ADTRP: variants seen among roughly 807,000 people sequenced by gnomAD.
The protein encoded by ADTRP is androgen-dependent TFPI-regulating protein.
In ADTRP, 20 loss-of-function variants were observed where a neutral mutation model predicts 27.0. The ratio of observed to expected loss-of-function variants is 0.74; its 90% CI spans 0.52 to 1.08. The LOEUF (loss-of-function observed/expected upper bound fraction) is 1.08. ADTRP is among the 50% of genes least tolerant of loss of function. The pLI is 0.00. For synonymous variants in ADTRP, 101 were observed against 105.2 expected (o/e 0.96, Z 0.25); for missense variants, 251 against 275.0 (o/e 0.91, Z 0.62).
At chr6:11,747,503 G>A (rs1047800528) in intron 3 of ADTRP, among the ~76,000 whole-genome samples, 11 of 152,136 alleles carry the variant, frequency 7.2e-5, no homozygotes, top group Non-Finnish European at 1.3e-4. Flanking sequence ...CTGTTTTTAT[G>A]AGGCTTCTCT....
chr6:11,725,622 G>T (rs988291665), intron 4 of ADTRP, among the ~76,000 whole-genome samples: 1 of 152,122 alleles, frequency 6.6e-6, no homozygotes, highest in East Asian at 1.9e-4. Context: ...AAACTATATG[G>T]TGGTTCTCCC....
intron 1 of ADTRP, among the ~76,000 whole-genome samples, chr6:11,768,804 C>A (rs1763658091): frequency 6.6e-6 from 1 of 151,982 alleles, no homozygotes; most frequent in Admixed American, 6.6e-5. Context: ...AGGAAAAATG[C>A]CTAGTGCTGA....
At chr6:11,734,972 C>A (rs1306466418) in intron 4 of ADTRP, among the ~76,000 whole-genome samples, 3 of 152,162 alleles carry the variant, frequency 2.0e-5, no homozygotes, top group African/African-American at 4.8e-5. Flanking sequence ...AAAGGCCAAG[C>A]ACGTTCCCTT....
At chr6:11,774,311 A>AAAATAAATAAATAAATAAATAAAT (rs140361069) in intron 1 of ADTRP, among the ~76,000 whole-genome samples, 273 of 144,702 alleles carry the variant, frequency 1.9e-3, no homozygotes, top group Middle Eastern at 3.5e-3. Context: ...TTCCATCTCA[A>AAAATAAATAAATAAATAAATAAAT]AAATAAATAA....
In ADTRP at chr6:11,766,367, A is replaced by G. The variant is rs1763573715; in HGVS notation, c.297T>C (p.Phe99=). 1 of 1,611,332 alleles carries G rather than the reference A, an allele frequency of 6.2e-7. No homozygotes were observed. Among genetic ancestry groups the G allele is most frequent in the Non-Finnish European group, 8.5e-7 (1 of 1,178,186 alleles). Reference sequence around the variant, plus strand: ...AGAGAAAGAGGATCCAGAATGCCAAAAATACAAACTGGAAAATAAAACACA... The same window carrying G: ...AGAGAAAGAGGATCCAGAATGCCAAGAATACAAACTGGAAAATAAAACACA... ...TLAFPVSTFV[F]LAFWILFLYN... Residue 99 remains phenylalanine, a synonymous_variant, in exon 3 of 6, where the codon TTT becomes TTC. Transcript: ENST00000414691.
intron 4 of ADTRP, among the ~76,000 whole-genome samples, chr6:11,731,248 C>T (rs554796095): frequency 2.0e-4 from 30 of 152,318 alleles, no homozygotes; most frequent in African/African-American, 7.2e-4. Context: ...GATCAAAGTA[C>T]ATAATGTGCT....
rs753530438 is a variant in ADTRP, at chr6:11,766,304, A to G, written c.360T>C (p.Thr120=). The change falls in exon 3 of 6, where the codon ACT becomes ACC. Residue 120 remains threonine (T), a synonymous_variant. Coordinates refer to ENST00000414691, the MANE Select transcript of ADTRP (RefSeq NM_032744.4). ...CATGATTCAGCCACACGGGGATGAC[A>G]GTATCTAGGACCTTGGGGTAAATGA... ...RDLIYPKVLD[T]VIPVWLNHAM... is the part of the protein sequence containing the mutation. 1.9e-6 allele frequency: 3 copies of G among 1,612,580 alleles called. No individual in the cohort carries two copies. The highest frequency in any genetic ancestry group is 2.2e-5 in the East Asian group (1 of 44,830).
chr6:11,775,041 C>T (rs2235386), intron 1 of ADTRP, among the ~76,000 whole-genome samples: 49,456 of 152,116 alleles, frequency 0.33, 8,945 homozygotes, highest in Non-Finnish European at 0.4. Flanking sequence ...CTGGTGCCTG[C>T]GGGCAGCTAC....
chr6:11,735,429 C>T, intron 4 of ADTRP, 139 bp downstream of exon 4: 1 of 660,906 alleles, frequency 1.5e-6, no homozygotes, highest in Non-Finnish European at 2.6e-6. Flanking sequence ...AAGAATGCTT[C>T]TTACCTGGAA....
intron 5 of ADTRP, among the ~76,000 whole-genome samples, chr6:11,716,379 CT>C (rs1304866015): frequency 2.0e-5 from 3 of 152,066 alleles, no homozygotes; most frequent in African/African-American, 7.2e-5. Flanking sequence ...TGGTATGAAG[CT>C]CTGCTGGGGG....
At chr6:11,762,418 A>G (rs954578070) in intron 3 of ADTRP, among the ~76,000 whole-genome samples, 1 of 152,258 alleles carries the variant, frequency 6.6e-6, no homozygotes, top group Admixed American at 6.5e-5. Context: ...CTCAATAAAT[A>G]TCAATCATAG....
intron 3 of ADTRP, among the ~76,000 whole-genome samples, chr6:11,742,697 G>A (rs1021775434): frequency 5.9e-5 from 9 of 152,302 alleles, no homozygotes; most frequent in Non-Finnish European, 1.0e-4. Context: ...CAGTTCAGAG[G>A]TCTAGTTTCC....
chr6:11,751,407 T>G (rs1179803540), intron 3 of ADTRP, among the ~76,000 whole-genome samples: 1 of 152,224 alleles, frequency 6.6e-6, no homozygotes, highest in Non-Finnish European at 1.5e-5. Context: ...TCTACTGACA[T>G]GGAGGTCATA....
chr6:11,771,089 CAGGATGTGGAAATCGGATTGGGGG>C (rs1398196388), intron 1 of ADTRP, among the ~76,000 whole-genome samples: 214 of 151,718 alleles, frequency 1.4e-3, no homozygotes, highest in African/African-American at 5.0e-3. Flanking sequence ...CTCCCAGTCA[CAGGATGTGGAAATCGGATTGGGGG>C]AAAGAACGCA....
rs200950835 is a variant in ADTRP at position 11,778,594 on chromosome 6, C to T, written c.153+13G>A. Reference sequence around the variant, plus strand: ...GAAATGGATCGGTTCCTGGTACGGACATATGGACTTACCAGATTAAGCAGC... The same window carrying T: ...GAAATGGATCGGTTCCTGGTACGGATATATGGACTTACCAGATTAAGCAGC... On this transcript the variant is annotated intron_variant, in intron 1 of 5. Coordinates refer to ENST00000414691, the MANE Select transcript of ADTRP (RefSeq NM_032744.4). 17 of 1,613,356 alleles carry T rather than the reference C, an allele frequency of 1.1e-5. No individual in the cohort carries two copies. The highest frequency in any genetic ancestry group is 6.7e-5 in the Admixed American group (4 of 59,956).
At chr6:11,734,403 C>A (rs779567798) in intron 4 of ADTRP, among the ~76,000 whole-genome samples, 1 of 152,334 alleles carries the variant, frequency 6.6e-6, no homozygotes, top group East Asian at 1.9e-4. Context: ...GCTTAAGCCT[C>A]GTTCTCTGAA....
intron 5 of ADTRP, among the ~76,000 whole-genome samples, chr6:11,719,554 A>G (rs1761944781): frequency 6.6e-6 from 1 of 152,102 alleles, no homozygotes; most frequent in South Asian, 2.1e-4. Flanking sequence ...AAGGTGGAGA[A>G]CTACTGCTAG....
At chr6:11,726,481 C>G (rs1310031948) in intron 4 of ADTRP, among the ~76,000 whole-genome samples, 2 of 152,076 alleles carry the variant, frequency 1.3e-5, no homozygotes, top group Non-Finnish European at 2.9e-5. Context: ...AGGTTTTGCC[C>G]TTTTCACACG....
At chr6:11,768,499 T>C in intron 1 of ADTRP, 116 bp from the exon 2 acceptor site, 1 of 1,362,348 alleles carries the variant, frequency 7.3e-7, no homozygotes, top group Non-Finnish European at 1.0e-6. Flanking sequence ...AGAGGGCTGT[T>C]GGGTTGTTTT....
Sources: allele counts gnomAD v4.1 joint callset (sites outside exome capture counted in the v4.1 genomes callset), GRCh38; gene constraint gnomAD v4.1.1; transcripts MANE v1.5; gene names NCBI Gene and HGNC (gene_info 2026-07-23, HGNC 2026-07-21).